Variants in EDC3 observed in about 807,000 individuals in gnomAD.
EDC3 encodes enhancer of mRNA-decapping protein 3.
A neutral mutation model predicts 41.8 loss-of-function variants in EDC3; 20 were observed. The observed-to-expected ratio is 0.48, with a 90% CI of 0.34 to 0.70. The LOEUF (loss-of-function observed/expected upper bound fraction) is 0.70, where lower values mean the gene tolerates loss of function less well. EDC3 is among the 30% of genes least tolerant of loss of function. The pLI is 0.01. For missense variants in EDC3, 444 were observed against 636.8 expected (o/e 0.70, Z 3.26); for synonymous variants, 206 against 243.2 (o/e 0.85, Z 1.42).
chr15:74,646,767 T>C lies in EDC3; in HGVS notation c.821-6148A>G, dbSNP rs923084574. Among the ~76,000 whole-genome samples, 74 of 151,914 alleles carry C rather than the reference T, an allele frequency of 4.9e-4. 1 individual carries two copies. Among genetic ancestry groups the C allele is most frequent in the African/African-American group, 1.7e-3 (70 of 41,408 alleles). ...TTATGCAGGATAAAGTTGACAGGGG[T>C]AGAAAGTAAGAACAGAAAGACCAAG... On this transcript the variant is annotated intron_variant, in intron 4 of 6. Transcript: ENST00000315127.
chr15:74,639,341 T>TA (rs1389278544), intron 5 of EDC3: 2 of 152,246 alleles, frequency 1.3e-5, no homozygotes, highest in Non-Finnish European at 2.9e-5. Context: ...CATAGTGACT[T>TA]ACGGATTGCC....
intron 5 of EDC3, chr15:74,640,181 G>A (rs977075867): frequency 1.0e-4 from 36 of 352,594 alleles, no homozygotes; most frequent in Admixed American, 7.8e-4. Flanking sequence ...GTTCCTAGAA[G>A]GAAGGCTTCT....
chr15:74,685,120 C>G (rs753216546), intron 1 of EDC3, among the ~76,000 whole-genome samples: 20 of 152,082 alleles, frequency 1.3e-4, no homozygotes, highest in Non-Finnish European at 2.8e-4. Context: ...GTTGGTCAGG[C>G]ATGGTGGTTC....
At chr15:74,665,960 G>C (rs888104966) in intron 3 of EDC3, among the ~76,000 whole-genome samples, 1 of 151,820 alleles carries the variant, frequency 6.6e-6, no homozygotes, top group Non-Finnish European at 1.5e-5. Context: ...ACCACACCCA[G>C]CTGATTTTTT....
At chr15:74,640,861 T>G in intron 4 of EDC3, 1 of 517,060 alleles carries the variant, frequency 1.9e-6, no homozygotes, top group Non-Finnish European at 3.4e-6. Flanking sequence ...TAAGCTCCCT[T>G]AGCAATTTAG....
chr15:74,687,029 G>C (rs867516097), intron 1 of EDC3: 1 of 152,168 alleles, frequency 6.6e-6, no homozygotes, highest in African/African-American at 2.4e-5. Flanking sequence ...GCAAGACTCC[G>C]TCTAGAAAAA....
At chr15:74,679,771 A>C (rs569446044) in intron 1 of EDC3, 3 of 149,928 alleles carry the variant, frequency 2.0e-5, no homozygotes, top group East Asian at 3.9e-4. Context: ...AAAAAAAAAA[A>C]AAAAAAAAAA....
chr15:74,674,860 CA>C, intron 2 of EDC3, 100 bp downstream of exon 2: 1 of 1,381,718 alleles, frequency 7.2e-7, no homozygotes, highest in Non-Finnish European at 1.0e-6. Flanking sequence ...ACTAAAAATA[CA>C]AAAAGCGGCC....
At position 74,671,527 on chromosome 15, in the gene EDC3, A is replaced by G; in HGVS notation, c.412T>C (p.Ser138Pro). The change falls in exon 3 of 7, where the codon TCA (serine) becomes CCA (proline). Residue 138 changes from serine to proline, a missense_variant. Around this residue, in one of 3 missense-constraint regions of EDC3, gnomAD observed 200 missense variants for 244.0 expected, o/e 0.82. Coordinates refer to ENST00000315127, the MANE Select transcript of EDC3 (RefSeq NM_025083.5). The surrounding 1 kb of genome is among the most constrained non-coding windows in gnomAD (Gnocchi z 4.6). ...ATGTGCCTGTCGACATAGCTCTTTG[A>G]GCACTGTTGCTGCTGCGGGGAAACG... The part of the protein sequence containing the change: ...VAVSPQQQQC[S>P]KSYVDRHMES... 2 of 1,614,182 alleles carry G rather than the reference A, an allele frequency of 1.2e-6. No homozygotes were observed. The highest frequency in any genetic ancestry group is 1.7e-6 in the Non-Finnish European group (2 of 1,180,034).
chr15:74,680,135 T>G (rs561744008), intron 1 of EDC3, among the ~76,000 whole-genome samples: 1 of 149,862 alleles, frequency 6.7e-6, no homozygotes, highest in Non-Finnish European at 1.5e-5. Context: ...GGTGGCGTGC[T>G]CCTGAGTCCC....
In EDC3 at chr15:74,631,765, C is replaced by T. The variant is rs2062212070; in HGVS notation, c.*847G>A. 1 of 152,750 alleles carries T rather than the reference C, an allele frequency of 6.5e-6. No individual in the cohort carries two copies. Among genetic ancestry groups the T allele is most frequent in the Non-Finnish European group, 1.5e-5 (1 of 68,276 alleles). The allele number at this position is 152,750 out of a possible 1,614,324, so 9.5% of individuals were successfully genotyped here. A position where few individuals can be genotyped will look rare whatever the true frequency, so the allele number is the denominator to read the frequency against. On this transcript the variant is annotated 3_prime_UTR_variant, in exon 7 of 7. Coordinates refer to ENST00000315127, the MANE Select transcript of EDC3 (RefSeq NM_025083.5). ...CTTCTGGTTCAGCACCAGGCTCCCC[C>T]AGGGATATCCCCATCTGAGGGGTCT...
chr15:74,655,997 T>C lies in EDC3; in HGVS notation c.556A>G (p.Asn186Asp). 1 of 1,613,948 alleles carries C rather than the reference T, an allele frequency of 6.2e-7. No homozygotes were observed. The highest frequency in any genetic ancestry group is 8.5e-7 in the Non-Finnish European group (1 of 1,180,010). The change falls in exon 4 of 7, where the codon AAT becomes GAT. Residue 186 changes from asparagine to aspartate, a missense_variant. Coordinates refer to ENST00000315127, the MANE Select transcript of EDC3 (RefSeq NM_025083.5). Reference protein sequence around the residue: ...KSGLKNGQMKNKDDECFGDDI... With the variant: ...KSGLKNGQMKDKDDECFGDDI... ...TCCCCGAAGCACTCGTCATCTTTAT[T>C]CTTCATCTGGCCATTCTTTAAACCA... is the stretch of plus-strand genomic sequence containing the variant.
At chr15:74,650,126 CTT>C (rs2062464261) in intron 4 of EDC3, among the ~76,000 whole-genome samples, 1 of 152,164 alleles carries the variant, frequency 6.6e-6, no homozygotes, top group African/African-American at 2.4e-5. Flanking sequence ...GCTCTGGTCT[CTT>C]CTCTCCCCTC....
chr15:74,690,291 G>C (rs972582042), intron 1 of EDC3, among the ~76,000 whole-genome samples: 1 of 152,316 alleles, frequency 6.6e-6, no homozygotes, highest in Non-Finnish European at 1.5e-5. Context: ...AGGATTTCCA[G>C]ACTACTGAAT....
intron 3 of EDC3, among the ~76,000 whole-genome samples, chr15:74,660,581 A>AT (rs1372157908): frequency 1.3e-5 from 2 of 152,016 alleles, no homozygotes; most frequent in Admixed American, 1.3e-4. Flanking sequence ...CAAGGTCAGG[A>AT]TAACACCATT....
intron 4 of EDC3, among the ~76,000 whole-genome samples, chr15:74,649,860 AGGG>A (rs58059458): frequency 2.1e-3 from 278 of 134,788 alleles, no homozygotes; most frequent in African/African-American, 6.8e-3. Flanking sequence ...AGGGAAAAAA[AGGG>A]GGGGGGGGTC....
rs1269226446 is a variant in EDC3, at chr15:74,694,673, A to G, written c.-19+1207T>C. On this transcript the variant is annotated intron_variant, in intron 1 of 6. Transcript: ENST00000315127. ...GACTCAATTTAGTGAGTTGCAACCAATATTTTTTTAGAGTGCATCTTCTGT... is the reference window on the plus strand; with the variant it reads ...GACTCAATTTAGTGAGTTGCAACCAGTATTTTTTTAGAGTGCATCTTCTGT... 3.9e-5 allele frequency among the ~76,000 whole-genome samples: 6 copies of G among 152,220 alleles called. No homozygotes were observed. In the South Asian group the frequency reaches 6.2e-4, roughly 16 times the overall value.
chr15:74,672,268 C>CAA (rs1567174508), intron 2 of EDC3, among the ~76,000 whole-genome samples: 1 of 11,594 alleles, frequency 8.6e-5, no homozygotes, highest in Non-Finnish European at 1.6e-4. Flanking sequence ...GACTCTGTCT[C>CAA]AAAAAAAAAA....
chr15:74,686,448 T>C (rs1278517877), intron 1 of EDC3, among the ~76,000 whole-genome samples: 1 of 151,530 alleles, frequency 6.6e-6, no homozygotes, highest in African/African-American at 2.4e-5. Flanking sequence ...GATCACACCA[T>C]TGCACTCCAG....
Sources: gnomAD v4.1 joint callset for allele counts (sites outside exome capture counted in the v4.1 genomes callset) on GRCh38, gnomAD v4.1.1 for gene constraint, gnomAD v4.1.1 regional missense constraint, Gnocchi (gnomAD v3.1) non-coding constraint, MANE v1.5 for transcripts, NCBI Gene and HGNC (gene_info 2026-07-23, HGNC 2026-07-21) for gene names.